Variants in USP9X observed in about 807,000 individuals in gnomAD.
USP9X encodes the protein ubiquitin carboxyl-terminal hydrolase 9X.
USP9X carries 7 observed loss-of-function variants against 190.3 expected under a neutral mutation model. The observed-to-expected ratio is 0.04, with a 90% confidence interval of 0.02 to 0.07. The LOEUF (loss-of-function observed/expected upper bound fraction) is 0.07. Ranked by LOEUF, USP9X falls within the 10% of genes least tolerant of loss-of-function variation. USP9X has a pLI of 1.00. For missense variants in USP9X, 1,010 were observed against 1,916.9 expected, an observed-to-expected ratio of 0.53 and a Z score of 8.83; for synonymous variants, 645 against 659.5, an observed-to-expected ratio of 0.98 and a Z score of 0.34.
intron 5 of USP9X, 57 bp from the exon 6 acceptor site, chrX:41,136,745 TTC>T: frequency 3.1e-5 from 26 of 840,151 alleles, no homozygotes; most frequent in Non-Finnish European, 4.6e-5. Context: ...TGGAAGATAT[TTC>T]TGTTTGAAAT....
rs1379813010 is a variant in USP9X at position 41,170,510 on chromosome X, C to T, written c.2918C>T (p.Pro973Leu). The change falls in exon 20 of 45, where the codon CCT (proline) becomes CTT (leucine). Residue 973 changes from proline to leucine, a missense_variant. Coordinates refer to ENST00000378308, the MANE Select transcript of USP9X (RefSeq NM_001039591.3). Reference sequence around the variant, plus strand: ...CTTACACAGATAAGTTCCAATATGCCTTCAAGCCCTGATAGCTCTTCTGAT... The same window carrying T: ...CTTACACAGATAAGTTCCAATATGCTTTCAAGCCCTGATAGCTCTTCTGAT... ...AKLTQISSNM[P>L]SSPDSSSDSS... 7 of 1,209,314 alleles carry T rather than the reference C, an allele frequency of 5.8e-6. No homozygotes were observed. The highest frequency in any genetic ancestry group is 7.8e-6 in the Non-Finnish European group (7 of 894,790).
intron 23 of USP9X, among the ~76,000 whole-genome samples, chrX:41,185,870 A>C (rs985341341): frequency 3.6e-5 from 4 of 111,145 alleles, no homozygotes; most frequent in Non-Finnish European, 7.5e-5. Context: ...ACGAGCTCAC[A>C]GTAGGGAGCC....
At chrX:41,117,863 TTTC>T (rs1265217173) in intron 1 of USP9X, among the ~76,000 whole-genome samples, 4 of 109,406 alleles carry the variant, frequency 3.7e-5, no homozygotes, top group East Asian at 2.9e-4. Context: ...CCGGCCCTTT[TTTC>T]TTCTTTTTTG....
At chrX:41,138,394 G>A (rs1380636146) in intron 6 of USP9X, among the ~76,000 whole-genome samples, 1 of 112,037 alleles carries the variant, frequency 8.9e-6, no homozygotes, top group African/African-American at 3.2e-5. Flanking sequence ...AGACTTAGTC[G>A]ATGGAGATAA....
chrX:41,197,250 C>T (rs1303590893), intron 28 of USP9X, 114 bp from the exon 29 acceptor site: 7 of 464,356 alleles, frequency 1.5e-5, no homozygotes, highest in Admixed American at 1.4e-4. Context: ...AGGAAATTAT[C>T]TCATATCCCT....
intron 14 of USP9X, among the ~76,000 whole-genome samples, chrX:41,155,638 T>G (rs1361945066): frequency 9.0e-6 from 1 of 111,582 alleles, no homozygotes; most frequent in Non-Finnish European, 1.9e-5. Flanking sequence ...GCTTTATGAG[T>G]GTCATTCACC....
intron 2 of USP9X, among the ~76,000 whole-genome samples, chrX:41,125,622 TC>T (rs1229710059): frequency 4.1e-5 from 3 of 72,687 alleles, no homozygotes; most frequent in Non-Finnish European, 8.1e-5. Context: ...CTTTACTCCC[TC>T]CCCCCACACC....
chrX:41,209,044 C>T (rs1055498400), intron 32 of USP9X, among the ~76,000 whole-genome samples: 3 of 111,517 alleles, frequency 2.7e-5, no homozygotes, highest in Non-Finnish European at 3.8e-5. Context: ...GCAAACAGGA[C>T]GCTTCACCCC....
chrX:41,179,918 A>C (rs920108091), intron 21 of USP9X, among the ~76,000 whole-genome samples: 2 of 111,184 alleles, frequency 1.8e-5, no homozygotes, highest in Non-Finnish European at 3.8e-5. Flanking sequence ...TCTTCACTAC[A>C]CCGTCAGTAA....
intron 21 of USP9X, among the ~76,000 whole-genome samples, chrX:41,178,605 G>A (rs935555100): frequency 1.0e-3 from 116 of 111,631 alleles, no homozygotes; most frequent in African/African-American, 3.5e-3. Flanking sequence ...TATATATTCT[G>A]GATATTAACC....
intron 15 of USP9X, among the ~76,000 whole-genome samples, chrX:41,163,538 G>A (rs954931160): frequency 9.1e-6 from 1 of 110,038 alleles, no homozygotes; most frequent in Non-Finnish European, 1.9e-5. Context: ...GATGGTTTGA[G>A]CCCAGGAGTT....
intron 34 of USP9X, 59 bp from the exon 35 acceptor site, chrX:41,215,840 T>TC (rs950044960): frequency 8.9e-7 from 1 of 1,118,212 alleles, no homozygotes; most frequent in African/African-American, 1.9e-5. Flanking sequence ...CTTGGGGTTT[T>TC]TTTTTTTTTC....
At chrX:41,161,173 G>T (rs777620572) in intron 14 of USP9X, among the ~76,000 whole-genome samples, 4 of 110,245 alleles carry the variant, frequency 3.6e-5, no homozygotes, top group Non-Finnish European at 7.6e-5. Flanking sequence ...AGTATTTAAG[G>T]GTAAAAGGAC....
At chrX:41,155,812 T>C (rs1310755949) in intron 14 of USP9X, among the ~76,000 whole-genome samples, 1 of 112,174 alleles carries the variant, frequency 8.9e-6, no homozygotes, top group East Asian at 2.8e-4. Context: ...GAGAAACGGC[T>C]GTTTCCAGGC....
chrX:41,151,057 G>T lies in USP9X; in HGVS notation c.1763G>T (p.Ser588Ile). ...TTTGGTGAAGCGCCTCAAAATTTGAGGTAAGACTTTTTAACATAGAAAATT... is the reference window on the plus strand; with the variant it reads ...TTTGGTGAAGCGCCTCAAAATTTGATGTAAGACTTTTTAACATAGAAAATT... ...SLFGEAPQNL[S>I]QTQRSPHVFY... Residue 588 changes from serine (S) to isoleucine (I), a missense_variant and splice_region_variant, in exon 13 of 45, where the codon AGT becomes ATT. Ser to Ile is a moderately radical substitution (Grantham distance 142). Coordinates refer to ENST00000378308, the MANE Select transcript of USP9X (RefSeq NM_001039591.3). 8.4e-7 allele frequency: 1 copy of T among 1,192,949 alleles called. No homozygotes were observed. Among genetic ancestry groups the T allele is most frequent in the Non-Finnish European group, 1.1e-6 (1 of 886,780 alleles).
rs774918157 is a variant in USP9X at position 41,207,134 on chromosome X, G to A, written c.5015+1641G>A. Among the ~76,000 whole-genome samples the A allele has an allele frequency of 2.1e-3, 180 of 84,228 alleles. No individual in the cohort carries two copies. In the Middle Eastern group the frequency reaches 0.034, roughly 16 times the overall value. The allele number at this position is 84,228 out of a possible 115,157, so 73.1% of individuals were successfully genotyped here. A position where few individuals can be genotyped will look rare whatever the true frequency, so the allele number is the denominator to read the frequency against. ...GATAGAGTCTTGCTCTGTTGCCCAG[G>A]CTGAAGTGCAATGGCTCGATCTCAG... On this transcript the variant is annotated intron_variant, in intron 32 of 44. Coordinates refer to ENST00000378308, the MANE Select transcript of USP9X (RefSeq NM_001039591.3).
intron 2 of USP9X, among the ~76,000 whole-genome samples, chrX:41,127,116 G>T (rs984362678): frequency 6.3e-5 from 7 of 111,062 alleles, no homozygotes; most frequent in Non-Finnish European, 1.3e-4. Flanking sequence ...ATATATCCAG[G>T]ATCCTATCCT....
Position 41,140,665 on chromosome X carries a change from G to T in USP9X, c.664G>T (p.Val222Leu). 8.3e-7 allele frequency: 1 copy of T among 1,204,079 alleles called. No individual in the cohort carries two copies. Among genetic ancestry groups the T allele is most frequent in the Non-Finnish European group, 1.1e-6 (1 of 891,354 alleles). Residue 222 changes from valine (V) to leucine (L), a missense_variant, in exon 7 of 45, where the codon GTG becomes TTG. By Grantham distance (32) the Val-to-Leu change is conservative. This residue lies in a region of USP9X where 176 missense variants were observed against 247.5 expected (regional missense o/e 0.71). Transcript: ENST00000378308. Reference protein sequence around the residue: ...PDPRSPKGWLVDLLNKFGTLN... With the variant: ...PDPRSPKGWLLDLLNKFGTLN... ...ATTAATTGTGTTACAGGGTTGGCTA[G>T]TGGATCTTCTCAACAAATTTGGCAC...
At chrX:41,131,741 C>T (rs1016636826) in intron 4 of USP9X, among the ~76,000 whole-genome samples, 7 of 111,505 alleles carry the variant, frequency 6.3e-5, no homozygotes, top group African/African-American at 2.3e-4. Context: ...TGTATTTCTA[C>T]GGAGTGGATT....
Sources: allele counts gnomAD v4.1 joint callset (sites outside exome capture counted in the v4.1 genomes callset), GRCh38; gene constraint gnomAD v4.1.1; regional missense constraint gnomAD v4.1.1; transcripts MANE v1.5; gene names NCBI Gene and HGNC (gene_info 2026-07-23, HGNC 2026-07-21).